Variants in PCDH15 observed in about 807,000 individuals in gnomAD.
PCDH15 encodes protocadherin related 15.
Under a neutral mutation model 178.5 loss-of-function variants are expected in PCDH15, and 129 were observed. That is an observed-to-expected ratio of 0.72 (90% CI 0.63 to 0.84). The LOEUF (loss-of-function observed/expected upper bound fraction) is 0.84, where lower values mean the gene tolerates loss of function less well. Among genes scored for constraint, PCDH15 ranks in the 40% least tolerant of loss-of-function variants. PCDH15 has a pLI of 0.00. For synonymous variants in PCDH15, 800 were observed against 732.0 expected (o/e 1.09, Z -1.50); for missense variants, 2,230 against 2,099.9 (o/e 1.06, Z -1.21).
chr10:55,423,465 G>C (rs976979641), intron 2 of PCDH15, among the ~76,000 whole-genome samples: 1 of 151,834 alleles, frequency 6.6e-6, no homozygotes, highest in African/African-American at 2.4e-5. Context: ...TGAAACAAAT[G>C]GTTGAGGAAA....
chr10:54,254,417 A>G (rs544140930), intron 8 of PCDH15, among the ~76,000 whole-genome samples: 2 of 152,262 alleles, frequency 1.3e-5, no homozygotes, highest in East Asian at 3.9e-4. Context: ...ATAAAGGTTC[A>G]TTTTTTTGAT....
At chr10:55,327,066 C>T (rs909653050) in intron 2 of PCDH15, among the ~76,000 whole-genome samples, 1 of 151,898 alleles carries the variant, frequency 6.6e-6, no homozygotes, top group African/African-American at 2.4e-5. Flanking sequence ...ATCCAAAATC[C>T]CAAAGTAATG....
At chr10:55,275,261 TCTC>T (rs1449734776) in intron 1 of PCDH15, among the ~76,000 whole-genome samples, 1 of 152,064 alleles carries the variant, frequency 6.6e-6, no homozygotes, top group Middle Eastern at 3.2e-3. Context: ...GCTAATGTCT[TCTC>T]CTTTTTTATA....
chr10:54,228,954 C>T (rs1314695444), intron 9 of PCDH15, among the ~76,000 whole-genome samples: 1 of 152,204 alleles, frequency 6.6e-6, no homozygotes, highest in Non-Finnish European at 1.5e-5. Flanking sequence ...TTGCTTTCAA[C>T]ACATTGCAGT....
intron 2 of PCDH15, among the ~76,000 whole-genome samples, chr10:55,460,669 C>G (rs1839657171): frequency 6.6e-6 from 1 of 152,052 alleles, no homozygotes; most frequent in Non-Finnish European, 1.5e-5. Flanking sequence ...TGTTTCAGCA[C>G]TGGGTATTAA....
chr10:55,567,011 G>A (rs1842315302), intron 2 of PCDH15, among the ~76,000 whole-genome samples: 1 of 151,898 alleles, frequency 6.6e-6, no homozygotes, highest in African/African-American at 2.4e-5. Flanking sequence ...AGAGCACTCA[G>A]ACTCCTGATT....
intron 3 of PCDH15, among the ~76,000 whole-genome samples, chr10:54,879,182 TTGTGTG>T (rs5785100): frequency 3.4e-5 from 5 of 149,034 alleles, no homozygotes; most frequent in Non-Finnish European, 7.4e-5. Context: ...CACGTGCTGT[TTGTGTG>T]TGTGTGTGTG....
intron 9 of PCDH15, among the ~76,000 whole-genome samples, chr10:54,223,039 C>T (rs2053022563): frequency 6.6e-6 from 1 of 152,022 alleles, no homozygotes; most frequent in Admixed American, 6.5e-5. Flanking sequence ...CAGCCGGGCA[C>T]AGTGGCTCAC....
At chr10:54,046,693 G>A (rs972734399) in intron 18 of PCDH15, among the ~76,000 whole-genome samples, 1 of 152,128 alleles carries the variant, frequency 6.6e-6, no homozygotes, top group Non-Finnish European at 1.5e-5. Context: ...GGAGCATGAA[G>A]AAAGATTTTC....
chr10:54,648,771 C>T (rs1240497042), intron 2 of PCDH15, among the ~76,000 whole-genome samples: 1 of 152,078 alleles, frequency 6.6e-6, no homozygotes, highest in Admixed American at 6.6e-5. Context: ...AATGAAAATA[C>T]TCAGCATAAA....
intron 1 of PCDH15, among the ~76,000 whole-genome samples, chr10:55,210,156 A>G (rs984605783): frequency 8.6e-5 from 13 of 152,026 alleles, no homozygotes; most frequent in East Asian, 1.9e-4. Context: ...AAAAAAATCA[A>G]TTGAGATAAA....
intron 3 of PCDH15, among the ~76,000 whole-genome samples, chr10:54,825,905 A>G (rs1591723818): frequency 6.6e-6 from 1 of 152,112 alleles, no homozygotes. Flanking sequence ...AGGAAGTAGC[A>G]TATTCTCAAT....
intron 2 of PCDH15, among the ~76,000 whole-genome samples, chr10:55,097,697 T>C (rs1176388081): frequency 6.6e-6 from 1 of 151,890 alleles, no homozygotes; most frequent in Admixed American, 6.6e-5. Flanking sequence ...GATAGATAGA[T>C]AGATAGAGAG....
intron 1 of PCDH15, among the ~76,000 whole-genome samples, chr10:54,758,339 T>G (rs113116264): frequency 6.6e-6 from 1 of 152,328 alleles, no homozygotes; most frequent in African/African-American, 2.4e-5. Flanking sequence ...CTCATGATGC[T>G]AGGCTGCAGA....
chr10:54,987,108 A>G (rs1461976723), intron 2 of PCDH15, among the ~76,000 whole-genome samples: 1 of 151,954 alleles, frequency 6.6e-6, no homozygotes, highest in East Asian at 1.9e-4. Context: ...GAGTGAGAAC[A>G]TGTGGTGTTC....
chr10:55,600,103 G>A (rs1306099397), intron 2 of PCDH15: 7 of 437,726 alleles, frequency 1.6e-5, no homozygotes, highest in Non-Finnish European at 2.7e-5. Flanking sequence ...AGTGGCTCAC[G>A]CCTGTAATCC....
At position 53,822,871 on chromosome 10, in the gene PCDH15, T is replaced by TTTTG. The variant is rs778355226; in HGVS notation, c.4368-2645_4368-2642dup. The TTTTG allele has an allele frequency of 3.7e-6, 6 of 1,614,108 alleles. No individual in the cohort carries two copies. Among genetic ancestry groups the TTTTG allele is most frequent in the East Asian group, 2.2e-5 (1 of 44,876 alleles). On this transcript the variant is annotated intron_variant, in intron 32 of 37. Transcript: ENST00000644397. ...GTAAGCAATGGATTGCTGCTACCTC[T>TTTTG]TTTGTTTGTACAGATTCCAGTGTTT...
chr10:54,962,331 G>T (rs981981397), intron 2 of PCDH15, among the ~76,000 whole-genome samples: 1 of 152,180 alleles, frequency 6.6e-6, no homozygotes, highest in Admixed American at 6.5e-5. Flanking sequence ...GGTGGGACTG[G>T]ACCAGCCCAG....
chr10:54,403,508 G>T (rs1952206340), intron 3 of PCDH15, among the ~76,000 whole-genome samples: 3 of 151,946 alleles, frequency 2.0e-5, no homozygotes, highest in African/African-American at 4.8e-5. Flanking sequence ...GCAAAAGCTG[G>T]AGTATTTCCC....
Sources: gnomAD v4.1 joint callset for allele counts (sites outside exome capture counted in the v4.1 genomes callset) on GRCh38, gnomAD v4.1.1 for gene constraint, MANE v1.5 for transcripts, NCBI Gene and HGNC (gene_info 2026-07-23, HGNC 2026-07-21) for gene names.